WASL: variants seen among roughly 807,000 people sequenced by gnomAD.
WASL encodes the protein actin nucleation-promoting factor WASL.
A neutral mutation model predicts 55.5 loss-of-function variants in WASL; 20 were observed. The observed-to-expected ratio is 0.36, with a 90% confidence interval of 0.25 to 0.52. The LOEUF is 0.52. Ranked by LOEUF, WASL falls within the 20% of genes least tolerant of loss-of-function variation. The pLI is 0.92. For missense variants in WASL, 504 were observed against 622.5 expected, an observed-to-expected ratio of 0.81 and a Z score of 2.03; for synonymous variants, 249 against 217.6, an observed-to-expected ratio of 1.14 and a Z score of -1.27.
intron 1 of WASL, among the ~76,000 whole-genome samples, chr7:123,715,281 T>C (rs1803822374): frequency 6.6e-6 from 1 of 152,190 alleles, no homozygotes; most frequent in African/African-American, 2.4e-5. Context: ...CTTGCCCTTT[T>C]GGAAGTGCTG....
Position 123,749,001 on chromosome 7 carries a change from T to G in WASL, c.-267A>C, listed in dbSNP as rs903546285. On this transcript the variant is annotated 5_prime_UTR_variant, in exon 1 of 11. Coordinates refer to ENST00000223023, the MANE Select transcript of WASL (RefSeq NM_003941.4). ...GTCGTTGTCCTCGCACTCCGGCGACTGCGCTAAACTCCCAACTCCTCCCCC... is the reference window on the plus strand; with the variant it reads ...GTCGTTGTCCTCGCACTCCGGCGACGGCGCTAAACTCCCAACTCCTCCCCC... 1.0e-4 allele frequency: 50 copies of G among 489,804 alleles called. No homozygotes were observed. The Admixed American group carries it at 1.5e-3, about 15-fold the overall frequency. The allele number at this position is 489,804 out of a possible 1,614,324, so 30.3% of individuals were successfully genotyped here.
intron 9 of WASL, among the ~76,000 whole-genome samples, chr7:123,691,166 G>A (rs561801507): frequency 6.6e-6 from 1 of 152,252 alleles, no homozygotes; most frequent in Non-Finnish European, 1.5e-5. Flanking sequence ...CTGAGATCTA[G>A]AAAGTTACTT....
rs150382135 is a variant in WASL at position 123,689,082 on chromosome 7, C to A, written c.1416G>T (p.Met472Ile). The A allele has an allele frequency of 5.0e-6, 8 of 1,612,796 alleles. No individual in the cohort carries two copies. In the African/African-American group the frequency reaches 9.4e-5, roughly 19 times the overall value. The change falls in exon 10 of 11, where the codon ATG (methionine) becomes ATT (isoleucine). Residue 472 changes from methionine (M) to isoleucine (I), a missense_variant. Met to Ile is a conservative substitution (Grantham distance 10, BLOSUM62 1). Around this residue, in one of 5 missense-constraint regions of WASL, gnomAD observed 53 missense variants for 69.1 expected, o/e 0.77. Coordinates refer to ENST00000223023, the MANE Select transcript of WASL (RefSeq NM_003941.4). ...CTTTGCTCCTTTTCTGCATCACTTC[C>A]ATTAATGCACCCACAATTCCTGAAG... ...APTSGIVGAL[M>I]EVMQKRSKAI...
chr7:123,743,809 T>C (rs1804387457), intron 1 of WASL, among the ~76,000 whole-genome samples: 1 of 152,192 alleles, frequency 6.6e-6, no homozygotes, highest in Non-Finnish European at 1.5e-5. Context: ...TGAGACTAGT[T>C]AAGAAATGTC....
chr7:123,704,801 T>TA (rs1803642430), intron 4 of WASL, 144 bp from the exon 5 acceptor site: 1 of 481,626 alleles, frequency 2.1e-6, no homozygotes, highest in Non-Finnish European at 3.7e-6. Flanking sequence ...GACATTTAAG[T>TA]AGAGATCTAA....
At chr7:123,739,921 T>C (rs1425131384) in intron 1 of WASL, among the ~76,000 whole-genome samples, 2 of 145,264 alleles carry the variant, frequency 1.4e-5, no homozygotes, top group South Asian at 2.3e-4. Flanking sequence ...TGTGTATATA[T>C]ATATATATAT....
At chr7:123,705,812 GATCTTGTT>G (rs1803659929) in intron 4 of WASL, among the ~76,000 whole-genome samples, 1 of 152,148 alleles carries the variant, frequency 6.6e-6, no homozygotes, top group South Asian at 2.1e-4. Context: ...AATGTTTACA[GATCTTGTT>G]AGCAACTCTG....
chr7:123,692,463 C>T lies in WASL; in HGVS notation c.1231G>A (p.Asp411Asn). The T allele has an allele frequency of 6.2e-7, 1 of 1,614,092 alleles. No individual in the cohort carries two copies. The part of the protein sequence containing the change: ...TTAGNKAALL[D>N]QIREGAQLKK... The stretch of plus-strand genomic sequence containing the variant: ...AGCTGAGCACCCTCTCTAATTTGAT[C>T]TAAAAGAGCTGCTTTGTTTCCTGCA... Residue 411 changes from aspartate (D) to asparagine (N), a missense_variant, in exon 9 of 11, where the codon GAT (aspartate) becomes AAT (asparagine). Around this residue, in one of 5 missense-constraint regions of WASL, gnomAD observed 201 missense variants for 206.2 expected, o/e 0.97. Coordinates refer to ENST00000223023, the MANE Select transcript of WASL (RefSeq NM_003941.4).
chr7:123,697,385 G>A (rs983308878), intron 5 of WASL, among the ~76,000 whole-genome samples: 5 of 152,036 alleles, frequency 3.3e-5, no homozygotes, highest in Admixed American at 2.6e-4. Flanking sequence ...AATGTCAAAG[G>A]CATCTTTCCA....
chr7:123,725,152 A>C (rs1473840864), intron 1 of WASL, among the ~76,000 whole-genome samples: 1 of 152,238 alleles, frequency 6.6e-6, no homozygotes, highest in African/African-American at 2.4e-5. Context: ...GAAGCACGAA[A>C]TAATTTTCAG....
rs1804419380 is a variant in WASL at position 123,745,689 on chromosome 7, T to C, written c.117+2929A>G. Among the ~76,000 whole-genome samples the C allele has an allele frequency of 2.0e-5, 3 of 152,028 alleles. No individual in the cohort carries two copies. The South Asian group carries it at 6.2e-4, about 32-fold the overall frequency. Reference sequence around the variant, plus strand: ...CCTCAGATCCAGTGATTCTGAGTAATATCTAGGAATTGGGCCTAGGCATAT... The same window carrying C: ...CCTCAGATCCAGTGATTCTGAGTAACATCTAGGAATTGGGCCTAGGCATAT... On this transcript the variant is annotated intron_variant, in intron 1 of 10. Coordinates refer to ENST00000223023, the MANE Select transcript of WASL (RefSeq NM_003941.4).
chr7:123,692,070 T>C (rs964595348), intron 9 of WASL, among the ~76,000 whole-genome samples: 6 of 152,042 alleles, frequency 3.9e-5, no homozygotes, highest in African/African-American at 1.4e-4. Flanking sequence ...TATGGAAAAA[T>C]TAACTGGGAA....
intron 1 of WASL, among the ~76,000 whole-genome samples, chr7:123,731,559 T>A (rs148023723): frequency 3.8e-4 from 57 of 151,822 alleles, no homozygotes; most frequent in Non-Finnish European, 8.8e-5. Context: ...TTTTGGGCCA[T>A]AAAACACACC....
intron 1 of WASL, among the ~76,000 whole-genome samples, chr7:123,726,845 G>A (rs748746233): frequency 8.6e-5 from 13 of 151,618 alleles, no homozygotes; most frequent in Admixed American, 2.6e-4. Flanking sequence ...CAGCCTGGGC[G>A]ACAGAGTGAG....
At chr7:123,730,872 G>C (rs1325234227) in intron 1 of WASL, among the ~76,000 whole-genome samples, 1 of 152,122 alleles carries the variant, frequency 6.6e-6, no homozygotes, top group Non-Finnish European at 1.5e-5. Context: ...TGTCACAGGG[G>C]TTTGGTGTAC....
At position 123,689,120 on chromosome 7, in the gene WASL, T is replaced by C. The variant is rs1180860480; in HGVS notation, c.1378A>G (p.Thr460Ala). The C allele has an allele frequency of 1.9e-6, 3 of 1,614,026 alleles. No homozygotes were observed. The highest frequency in any genetic ancestry group is 1.7e-5 in the Admixed American group (1 of 60,020). The change falls in exon 10 of 11, where the codon ACA becomes GCA. Residue 460 changes from threonine to alanine, a missense_variant. Coordinates refer to ENST00000223023, the MANE Select transcript of WASL (RefSeq NM_003941.4). ...ACAATTCCTGAAGTGGGTGCAGGTG[T>C]TGGTGGTGTAGACTCTTGGCCATCA... ...VADGQESTPP[T>A]PAPTSGIVGA...
intron 1 of WASL, among the ~76,000 whole-genome samples, chr7:123,739,520 G>C (rs1032520286): frequency 6.6e-6 from 1 of 151,806 alleles, no homozygotes; most frequent in African/African-American, 2.4e-5. Flanking sequence ...TTTCAGTACA[G>C]TATTCAACAA....
chr7:123,696,139 A>C (rs915801275), intron 6 of WASL, among the ~76,000 whole-genome samples: 3 of 152,058 alleles, frequency 2.0e-5, no homozygotes, highest in Non-Finnish European at 4.4e-5. Flanking sequence ...TAAGAGTCCA[A>C]GCATTATATA....
chr7:123,694,353 A>G (rs945440559), intron 8 of WASL, among the ~76,000 whole-genome samples: 1 of 152,196 alleles, frequency 6.6e-6, no homozygotes, highest in Non-Finnish European at 1.5e-5. Context: ...GGAAATGCGT[A>G]TATTACTAAT....
Sources: gnomAD v4.1 joint callset for allele counts (sites outside exome capture counted in the v4.1 genomes callset) on GRCh38, gnomAD v4.1.1 for gene constraint, gnomAD v4.1.1 regional missense constraint, MANE v1.5 for transcripts, NCBI Gene and HGNC (gene_info 2026-07-23, HGNC 2026-07-21) for gene names.